Variants in CHCHD6 observed in about 807,000 individuals in gnomAD.
The protein encoded by CHCHD6 is coiled-coil-helix-coiled-coil-helix domain containing 6.
In CHCHD6, 28 loss-of-function variants were observed where a neutral mutation model predicts 32.3. The ratio of observed to expected loss-of-function variants is 0.87; its 90% CI spans 0.64 to 1.19. CHCHD6 has a LOEUF of 1.19. Ranked by LOEUF, CHCHD6 falls within the 50% of genes most tolerant of loss-of-function variation. The pLI, the probability that CHCHD6 is intolerant of heterozygous loss-of-function variation, is 0.00. For synonymous variants in CHCHD6, 122 were observed against 117.5 expected (o/e 1.04, Z -0.25); for missense variants, 333 against 307.0 (o/e 1.08, Z -0.63).
chr3:126,935,658 T>C (rs2078469602), intron 6 of CHCHD6, among the ~76,000 whole-genome samples: 1 of 152,192 alleles, frequency 6.6e-6, no homozygotes, highest in Non-Finnish European at 1.5e-5. Flanking sequence ...TTTGAAGATA[T>C]AAAGGGAAAA....
chr3:126,805,371 A>G (rs1390648242), intron 4 of CHCHD6, among the ~76,000 whole-genome samples: 4 of 152,146 alleles, frequency 2.6e-5, no homozygotes, highest in African/African-American at 4.8e-5. Context: ...TACAAAATCA[A>G]TGTGCAAAAG....
chr3:126,755,262 G>C (rs947267682), intron 4 of CHCHD6, among the ~76,000 whole-genome samples: 1 of 152,178 alleles, frequency 6.6e-6, no homozygotes, highest in Admixed American at 6.5e-5. Flanking sequence ...TCAACAGCTG[G>C]GAATGGGTTT....
intron 5 of CHCHD6, among the ~76,000 whole-genome samples, chr3:126,869,732 A>T (rs1012877816): frequency 6.6e-6 from 1 of 152,178 alleles, no homozygotes; most frequent in Non-Finnish European, 1.5e-5. Flanking sequence ...AATGTTATAG[A>T]TACTACTTTT....
intron 5 of CHCHD6, among the ~76,000 whole-genome samples, chr3:126,883,382 G>A (rs912707972): frequency 6.6e-6 from 1 of 152,224 alleles, no homozygotes; most frequent in African/African-American, 2.4e-5. Flanking sequence ...TGTGGGATCT[G>A]CCACTGTCTT....
intron 6 of CHCHD6, among the ~76,000 whole-genome samples, chr3:126,948,077 TCA>T (rs1321216865): frequency 6.6e-6 from 1 of 152,262 alleles, no homozygotes; most frequent in East Asian, 1.9e-4. Flanking sequence ...CAGAAAACGA[TCA>T]GAGATACATT....
intron 5 of CHCHD6, among the ~76,000 whole-genome samples, chr3:126,901,015 C>A (rs955980378): frequency 2.0e-5 from 3 of 152,136 alleles, no homozygotes; most frequent in East Asian, 1.9e-4. Context: ...ACACCCCCCC[C>A]AGGCCCTACC....
intron 4 of CHCHD6, among the ~76,000 whole-genome samples, chr3:126,834,801 G>C (rs1333996161): frequency 6.6e-6 from 1 of 152,152 alleles, no homozygotes; most frequent in Non-Finnish European, 1.5e-5. Context: ...ACTCCAACAC[G>C]GGATTTAATA....
intron 6 of CHCHD6, among the ~76,000 whole-genome samples, chr3:126,948,712 AC>A (rs1442980797): frequency 1.2e-4 from 18 of 152,206 alleles, no homozygotes; most frequent in Non-Finnish European, 2.6e-4. Flanking sequence ...ACAATTTGTG[AC>A]AGGCACCCTC....
In CHCHD6 at chr3:126,924,243, T is replaced by G. The variant is rs184875681; in HGVS notation, c.566+9493T>G. On this transcript the variant is annotated intron_variant, in intron 6 of 7. Transcript: ENST00000290913. ...CACACATATGGTAGGACCATCTCTG[T>G]TCTGTAGACATATTTATGTGATATA... Among the ~76,000 whole-genome samples, 271 of 152,318 alleles carry G rather than the reference T, an allele frequency of 1.8e-3. 2 individuals carry two copies. Among genetic ancestry groups the G allele is most frequent in the South Asian group, 0.015 (74 of 4,822 alleles).
rs1252159750 is a variant in CHCHD6, at chr3:126,957,119, C to T, written c.567-297C>T. 2.8e-5 allele frequency: 13 copies of T among 468,242 alleles called. No individual in the cohort carries two copies. The East Asian group carries it at 5.1e-4, about 18-fold the overall frequency. 29.0% of individuals were successfully genotyped at this position (468,242 alleles called of 1,614,324 possible). ...GCCCTCCAGTGGGGCTTTCCTGTCT[C>T]CTGAGTGTACACAGGCCCCAGTGAA... is the stretch of plus-strand genomic sequence containing the variant. On this transcript the variant is annotated intron_variant, in intron 6 of 7. Coordinates refer to ENST00000290913, the MANE Select transcript of CHCHD6 (RefSeq NM_032343.3).
chr3:126,844,588 T>C (rs1194268790), intron 4 of CHCHD6, among the ~76,000 whole-genome samples: 2 of 152,230 alleles, frequency 1.3e-5, no homozygotes, highest in African/African-American at 4.8e-5. Flanking sequence ...CAAATTTTTG[T>C]GTCTTCGTAT....
chr3:126,847,333 C>G (rs547609358), intron 4 of CHCHD6, among the ~76,000 whole-genome samples: 3 of 152,114 alleles, frequency 2.0e-5, no homozygotes, highest in Non-Finnish European at 4.4e-5. Flanking sequence ...TGAGGGCCTC[C>G]GGTCCTCACT....
chr3:126,884,345 C>T (rs966293068), intron 5 of CHCHD6, among the ~76,000 whole-genome samples: 6 of 152,164 alleles, frequency 3.9e-5, no homozygotes, highest in South Asian at 2.1e-4. Context: ...TCAGCAAGAA[C>T]CATTTGTGTA....
At chr3:126,856,102 A>G (rs1941657941) in intron 5 of CHCHD6, among the ~76,000 whole-genome samples, 1 of 152,184 alleles carries the variant, frequency 6.6e-6, no homozygotes, top group Admixed American at 6.5e-5. Context: ...ATACACTAAC[A>G]CTAATGATGG....
Position 126,753,868 on chromosome 3 carries a change from G to A in CHCHD6, c.411+20646G>A, listed in dbSNP as rs115007927. Among the ~76,000 whole-genome samples, 293 of 152,322 alleles carry A rather than the reference G, an allele frequency of 1.9e-3. 1 individual carries two copies. Among genetic ancestry groups the A allele is most frequent in the African/African-American group, 5.4e-3 (223 of 41,574 alleles). On this transcript the variant is annotated intron_variant, in intron 4 of 7. Transcript: ENST00000290913. ...AGTACTACCTGAGAGGTACCAGCAC[G>A]TGGCCTGGAGAAGCTCAGCAGTACC...
intron 4 of CHCHD6, among the ~76,000 whole-genome samples, chr3:126,788,290 T>A (rs1938332282): frequency 6.6e-6 from 1 of 152,214 alleles, no homozygotes; most frequent in Non-Finnish European, 1.5e-5. Context: ...AATTCTCTTT[T>A]TTGGTTGTGT....
chr3:126,905,211 A>G (rs1469814052), intron 5 of CHCHD6, among the ~76,000 whole-genome samples: 1 of 152,234 alleles, frequency 6.6e-6, no homozygotes, highest in Non-Finnish European at 1.5e-5. Context: ...AGCGGGTCCC[A>G]GTCTAAGCCA....
chr3:126,954,541 A>C (rs1313602855), intron 6 of CHCHD6, among the ~76,000 whole-genome samples: 1 of 152,160 alleles, frequency 6.6e-6, no homozygotes, highest in Non-Finnish European at 1.5e-5. Context: ...ACCTCTTTTC[A>C]CATAGATCAG....
At chr3:126,814,978 G>A (rs533472990) in intron 4 of CHCHD6, among the ~76,000 whole-genome samples, 89 of 152,314 alleles carry the variant, frequency 5.8e-4, no homozygotes, top group Admixed American at 1.5e-3. Context: ...CCCAGCTAGC[G>A]TCTGCTGTAG....
Sources: gnomAD v4.1 joint callset for allele counts (sites outside exome capture counted in the v4.1 genomes callset) on GRCh38, gnomAD v4.1.1 for gene constraint, MANE v1.5 for transcripts, NCBI Gene and HGNC (gene_info 2026-07-23, HGNC 2026-07-21) for gene names.